RBM33: variants seen among roughly 807,000 people sequenced by gnomAD.
The protein encoded by RBM33 is RNA-binding protein 33.
RBM33 carries 28 observed loss-of-function variants against 132.6 expected under a neutral mutation model. The observed-to-expected ratio is 0.21, with a 90% CI of 0.16 to 0.29. The LOEUF is 0.29. RBM33 is among the 10% of genes least tolerant of loss of function. The pLI is 1.00. For synonymous variants in RBM33, 634 were observed against 593.0 expected, an observed-to-expected ratio of 1.07 and a Z score of -1.01; for missense variants, 1,291 against 1,518.5, an observed-to-expected ratio of 0.85 and a Z score of 2.49.
chr7:155,675,799 A>T (rs986490328), intron 3 of RBM33, among the ~76,000 whole-genome samples: 1 of 152,114 alleles, frequency 6.6e-6, no homozygotes, highest in African/African-American at 2.4e-5. Flanking sequence ...CTTGTCTTGT[A>T]TTGCCAATTT....
Position 155,739,945 on chromosome 7 carries a change from G to T in RBM33, c.1968G>T (p.Gln656His), listed in dbSNP as rs1330014518. 6 of 1,554,770 alleles carry T rather than the reference G, an allele frequency of 3.9e-6. No individual in the cohort carries two copies. In the South Asian group the frequency reaches 4.7e-5, roughly 12 times the overall value. ...CTTTGATGCCGATGTCTCAGCCACAGTTCCGGCCTCACGTACAGACCGCTC... is the reference window on the plus strand; with the variant it reads ...CTTTGATGCCGATGTCTCAGCCACATTTCCGGCCTCACGTACAGACCGCTC... ...PPPLMPMSQP[Q>H]FRPHVQTAQP... Residue 656 changes from glutamine (Q) to histidine (H), a missense_variant, in exon 12 of 18, where the codon CAG (glutamine) becomes CAT (histidine). By Grantham distance (24) the Gln-to-His change is conservative. Around this residue, in one of 7 missense-constraint regions of RBM33, gnomAD observed 841 missense variants for 912.0 expected, o/e 0.92. Transcript: ENST00000401878.
At chr7:155,682,108 A>G (rs112077930) in intron 5 of RBM33, among the ~76,000 whole-genome samples, 5 of 152,114 alleles carry the variant, frequency 3.3e-5, no homozygotes, top group African/African-American at 1.2e-4. Flanking sequence ...TTTTGTAGAG[A>G]TGGGGTTTCC....
chr7:155,747,582 A>G (rs919922403), intron 14 of RBM33, among the ~76,000 whole-genome samples: 3 of 152,224 alleles, frequency 2.0e-5, no homozygotes, highest in African/African-American at 4.8e-5. Context: ...TTTTTCTCCA[A>G]TGGAAAAAAT....
At chr7:155,736,474 G>C (rs562331343) in intron 9 of RBM33, among the ~76,000 whole-genome samples, 1 of 152,120 alleles carries the variant, frequency 6.6e-6, no homozygotes, top group Non-Finnish European at 1.5e-5. Context: ...AGGTCAATAC[G>C]GTGGTTTAAA....
At chr7:155,717,442 ATTACCTCTT>A (rs1263647771) in intron 8 of RBM33, among the ~76,000 whole-genome samples, 1 of 144,512 alleles carries the variant, frequency 6.9e-6, no homozygotes, top group Non-Finnish European at 1.5e-5. Context: ...TTTGACCTCA[ATTACCTCTT>A]TTAAAGACCT....
intron 9 of RBM33, among the ~76,000 whole-genome samples, chr7:155,722,450 C>T (rs1326827890): frequency 1.3e-5 from 2 of 152,196 alleles, no homozygotes; most frequent in Admixed American, 6.5e-5. Context: ...AGTTTCTACA[C>T]TTTAAATTCT....
At position 155,738,039 on chromosome 7, in the gene RBM33, TG is replaced by T. The variant is rs1366588746; in HGVS notation, c.1394-20del. 4 of 1,593,114 alleles carry T rather than the reference TG, an allele frequency of 2.5e-6. No homozygotes were observed. The South Asian group carries it at 4.5e-5, about 18-fold the overall frequency. On this transcript the variant is annotated intron_variant, in intron 10 of 17. Transcript: ENST00000401878. ...CATGGTCTTTTTAACCTGAAGTTAATGATGTTGTGTTACCTTTCAGTTTCAG... is the reference window on the plus strand; with the variant it reads ...CATGGTCTTTTTAACCTGAAGTTAATATGTTGTGTTACCTTTCAGTTTCAG...
At position 155,775,345 on chromosome 7, in the gene RBM33, G is replaced by A; in HGVS notation, c.*304G>A. The A allele has an allele frequency of 1.9e-6, 1 of 524,628 alleles. No individual in the cohort carries two copies. 32.5% of individuals were successfully genotyped at this position (524,628 alleles called of 1,614,324 possible). On this transcript the variant is annotated 3_prime_UTR_variant, in exon 18 of 18. Coordinates refer to ENST00000401878, the MANE Select transcript of RBM33 (RefSeq NM_053043.3). Reference sequence around the variant, plus strand: ...ATGCATGTAGACATTGTTCTTTGTGGTCTGACTCTATGATCGATCACAGTG... The same window carrying A: ...ATGCATGTAGACATTGTTCTTTGTGATCTGACTCTATGATCGATCACAGTG...
intron 16 of RBM33, 99 bp downstream of exon 16, chr7:155,766,754 C>A (rs547374640): frequency 2.6e-6 from 3 of 1,139,720 alleles, no homozygotes; most frequent in Non-Finnish European, 3.8e-6. Flanking sequence ...TTGGCTACTT[C>A]ATATTAAAAT....
intron 2 of RBM33, among the ~76,000 whole-genome samples, chr7:155,669,067 C>T (rs141834722): frequency 3.3e-5 from 5 of 152,210 alleles, no homozygotes; most frequent in African/African-American, 1.2e-4. Flanking sequence ...TCTTCAGTGA[C>T]GTGTTTGCAT....
intron 14 of RBM33, among the ~76,000 whole-genome samples, chr7:155,746,167 A>G (rs1395147501): frequency 1.3e-5 from 2 of 152,338 alleles, no homozygotes; most frequent in South Asian, 2.1e-4. Flanking sequence ...TTCTTATTGT[A>G]GATAATTTGT....
Position 155,766,487 on chromosome 7 carries a change from C to G in RBM33, c.3207C>G (p.Gly1069=). ...ACCAGGCCATCATGCACGGACGAGG[C>G]AGAGGAGTGGCCGGTCCCATGGGCC... ...PAKKAIMHGR[G]RGVAGPMGRG... The change falls in exon 16 of 18, where the codon GGC becomes GGG. Residue 1069 remains glycine, a synonymous_variant. Transcript: ENST00000401878. 1.2e-6 allele frequency: 2 copies of G among 1,613,486 alleles called. No homozygotes were observed. The highest frequency in any genetic ancestry group is 1.7e-6 in the Non-Finnish European group (2 of 1,179,810).
At position 155,774,508 on chromosome 7, in the gene RBM33, T is replaced by G; in HGVS notation, c.3376-51T>G. On this transcript the variant is annotated intron_variant, in intron 16 of 17. Transcript: ENST00000401878. The surrounding 1 kb of genome is among the most constrained non-coding windows in gnomAD (Gnocchi z 4.2). ...AATGCTTAAATATATATATTCATAT[T>G]TTTTATTGTCATTTACAACTGATCT... 3 of 1,325,626 alleles carry G rather than the reference T, an allele frequency of 2.3e-6. No homozygotes were observed. The highest frequency in any genetic ancestry group is 1.7e-5 in the Admixed American group (1 of 58,796). 82.1% of individuals were successfully genotyped at this position (1,325,626 alleles called of 1,614,324 possible).
intron 1 of RBM33, among the ~76,000 whole-genome samples, chr7:155,647,294 C>G (rs571393117): frequency 1.3e-5 from 2 of 152,232 alleles, no homozygotes; most frequent in East Asian, 1.9e-4. Flanking sequence ...ACAAAATGTT[C>G]GAGATTGTCA....
chr7:155,682,574 G>C (rs1799366268), intron 5 of RBM33, among the ~76,000 whole-genome samples: 1 of 152,116 alleles, frequency 6.6e-6, no homozygotes. Context: ...AATCGTCCTG[G>C]GTTCTTTCCT....
At chr7:155,709,440 T>A (rs1210604079) in intron 7 of RBM33, among the ~76,000 whole-genome samples, 2 of 152,216 alleles carry the variant, frequency 1.3e-5, no homozygotes, top group Non-Finnish European at 2.9e-5. Context: ...TCCCCAGCAC[T>A]GTTCCTCTTG....
At chr7:155,680,318 G>A (rs1307177876) in intron 4 of RBM33, among the ~76,000 whole-genome samples, 1 of 152,188 alleles carries the variant, frequency 6.6e-6, no homozygotes, top group Non-Finnish European at 1.5e-5. Context: ...CAAATAACCT[G>A]CAGCTGGTGA....
intron 1 of RBM33, among the ~76,000 whole-genome samples, chr7:155,658,606 G>C (rs1798557141): frequency 6.6e-6 from 1 of 152,004 alleles, no homozygotes; most frequent in South Asian, 2.1e-4. Context: ...TCACCATCTT[G>C]GTCAGGTTGG....
rs1018127756 is a variant in RBM33, at chr7:155,763,948, C to T, written c.3116C>T (p.Ala1039Val). 17 of 1,598,546 alleles carry T rather than the reference C, an allele frequency of 1.1e-5. No homozygotes were observed. Among genetic ancestry groups the T allele is most frequent in the African/African-American group, 4.0e-5 (3 of 74,664 alleles). The change falls in exon 15 of 18, where the codon GCG becomes GTG. Residue 1039 changes from alanine (A) to valine (V), a missense_variant. Transcript: ENST00000401878. ...GGLQQPPHLP[A>V]GPHAHSPVPP... ...CTCCAGCAGCCCCCACATCTGCCAG[C>T]GGGGCCCCACGCACACTCGCCTGTC...
Sources: allele counts gnomAD v4.1 joint callset (sites outside exome capture counted in the v4.1 genomes callset), GRCh38; gene constraint gnomAD v4.1.1; regional missense constraint gnomAD v4.1.1; non-coding constraint Gnocchi (gnomAD v3.1); transcripts MANE v1.5; gene names NCBI Gene and HGNC (gene_info 2026-07-23, HGNC 2026-07-21).